RIPK2: variants seen among roughly 807,000 people sequenced by gnomAD.
RIPK2 encodes receptor-interacting serine/threonine-protein kinase 2.
RIPK2 carries 38 observed loss-of-function variants against 60.9 expected under a neutral mutation model. The ratio of observed to expected loss-of-function variants is 0.62; its 90% CI spans 0.48 to 0.82. RIPK2 has a LOEUF of 0.82. Ranked by LOEUF, RIPK2 falls within the 40% of genes least tolerant of loss-of-function variation. The pLI, the probability that RIPK2 is intolerant of heterozygous loss-of-function variation, is 0.00. For synonymous variants in RIPK2, 225 were observed against 223.4 expected, an observed-to-expected ratio of 1.01 and a Z score of -0.06; for missense variants, 518 against 647.0, an observed-to-expected ratio of 0.80 and a Z score of 2.16.
intron 9 of RIPK2, among the ~76,000 whole-genome samples, chr8:89,788,253 GA>G (rs1351143712): frequency 6.6e-6 from 1 of 151,850 alleles, no homozygotes; most frequent in Non-Finnish European, 1.5e-5. Context: ...TGAGGCACAA[GA>G]ATCACTTGAA....
chr8:89,775,296 A>T (rs1809378649), intron 6 of RIPK2, among the ~76,000 whole-genome samples: 1 of 151,968 alleles, frequency 6.6e-6, no homozygotes, highest in South Asian at 2.1e-4. Flanking sequence ...TAAAAAAAAA[A>T]TAAAAAATTA....
intron 9 of RIPK2, among the ~76,000 whole-genome samples, chr8:89,788,389 T>TTTTATTAA (rs1311301665): frequency 2.6e-5 from 4 of 151,852 alleles, no homozygotes; most frequent in Non-Finnish European, 5.9e-5. Context: ...TTAAGACGGA[T>TTTTATTAA]AATTATACTT....
chr8:89,758,152 C>G lies in RIPK2; in HGVS notation c.92C>G (p.Thr31Ser). ...TACCTGAGCCGCGGCGCCTCTGGCACTGTGTCGTCCGCCCGCCACGCAGAC... is the reference window on the plus strand; with the variant it reads ...TACCTGAGCCGCGGCGCCTCTGGCAGTGTGTCGTCCGCCCGCCACGCAGAC... ...LRYLSRGASG[T>S]VSSARHADWR... The change falls in exon 1 of 11, where the codon ACT (threonine) becomes AGT (serine). Residue 31 changes from threonine to serine, a missense_variant. Transcript: ENST00000220751. 6.3e-7 allele frequency: 1 copy of G among 1,597,654 alleles called. No homozygotes were observed. Among genetic ancestry groups the G allele is most frequent in the Non-Finnish European group, 8.5e-7 (1 of 1,173,720 alleles).
intron 8 of RIPK2, 31 bp from the exon 9 acceptor site, chr8:89,786,562 A>T (rs961265424): frequency 2.6e-6 from 3 of 1,168,064 alleles, no homozygotes; most frequent in Middle Eastern, 2.0e-4. Flanking sequence ...ATTTTTATTA[A>T]CCTAAACCCT....
rs74786374 is a variant in RIPK2, at chr8:89,789,708, A to G, written c.1285+226A>G. ...GGCAGTGCTAAGAGGAGGTATTAACATATTACTAATGGTAAAGTTATTTTT... is the reference window on the plus strand; with the variant it reads ...GGCAGTGCTAAGAGGAGGTATTAACGTATTACTAATGGTAAAGTTATTTTT... On this transcript the variant is annotated intron_variant, in intron 10 of 10. Coordinates refer to ENST00000220751, the MANE Select transcript of RIPK2 (RefSeq NM_003821.6). Among the ~76,000 whole-genome samples the G allele has an allele frequency of 6.8e-3, 1,032 of 152,346 alleles. 8 individuals carry two copies. Among genetic ancestry groups the G allele is most frequent in the African/African-American group, 0.023 (941 of 41,570 alleles).
chr8:89,757,974 G>A lies in RIPK2; in HGVS notation c.-87G>A, dbSNP rs199580324. The A allele has an allele frequency of 1.1e-4, 154 of 1,449,460 alleles. 1 individual carries two copies. Among genetic ancestry groups the A allele is most frequent in the Middle Eastern group, 4.4e-4 (2 of 4,586 alleles). The allele number at this position is 1,449,460 out of a possible 1,614,324, so 89.8% of individuals were successfully genotyped here. A position where few individuals can be genotyped will look rare whatever the true frequency, so the allele number is the denominator to read the frequency against. On this transcript the variant is annotated 5_prime_UTR_variant, in exon 1 of 11. Transcript: ENST00000220751. ...TTGCCGGCCTCGCTCGTGCAGGGGC[G>A]TATCTGGGCGCCTGAGCGCGGCGTG... is the stretch of plus-strand genomic sequence containing the variant.
At chr8:89,767,127 A>T (rs1224120983) in intron 3 of RIPK2, among the ~76,000 whole-genome samples, 3 of 151,692 alleles carry the variant, frequency 2.0e-5, no homozygotes, top group Admixed American at 1.3e-4. Context: ...TTATAGTTTT[A>T]TGTTACATAT....
At position 89,790,595 on chromosome 8, in the gene RIPK2, G is replaced by T; in HGVS notation, c.*179G>T. On this transcript the variant is annotated 3_prime_UTR_variant, in exon 11 of 11. Coordinates refer to ENST00000220751, the MANE Select transcript of RIPK2 (RefSeq NM_003821.6). ...TTTAATTAATACAAGTAAAAAGTTT[G>T]AATTTTGCTACATAGTTCAATTTTT... 4.1e-6 allele frequency: 2 copies of T among 493,824 alleles called. No homozygotes were observed. The highest frequency in any genetic ancestry group is 3.2e-5 in the East Asian group (1 of 31,408). 30.6% of individuals were successfully genotyped at this position (493,824 alleles called of 1,614,324 possible). A position where few individuals can be genotyped will look rare whatever the true frequency, so the allele number is the denominator to read the frequency against.
At chr8:89,773,655 T>C (rs1458042901) in intron 6 of RIPK2, among the ~76,000 whole-genome samples, 1 of 152,054 alleles carries the variant, frequency 6.6e-6, no homozygotes, top group African/African-American at 2.4e-5. Flanking sequence ...AAGACAAAAG[T>C]GGAAGCAAAG....
intron 7 of RIPK2, 56 bp downstream of exon 7, chr8:89,780,216 C>T: frequency 1.1e-6 from 1 of 880,018 alleles, no homozygotes; most frequent in Non-Finnish European, 1.8e-6. Context: ...ATATAATATT[C>T]ATGGAGATTT....
At chr8:89,784,740 C>T (rs372981) in intron 8 of RIPK2, among the ~76,000 whole-genome samples, 96,472 of 151,512 alleles carry the variant, frequency 0.64, 32,635 homozygotes, top group African/African-American at 0.88. Context: ...GTCTGTTTAT[C>T]GTTGCTATAA....
intron 4 of RIPK2, 52 bp from the exon 5 acceptor site, chr8:89,771,689 T>A: frequency 3.2e-6 from 4 of 1,257,976 alleles, no homozygotes; most frequent in Non-Finnish European, 3.4e-6. Flanking sequence ...TTTTAGTTTA[T>A]TATGCAGAGT....
intron 6 of RIPK2, among the ~76,000 whole-genome samples, chr8:89,778,711 G>A (rs1361009828): frequency 6.6e-6 from 1 of 152,060 alleles, no homozygotes; most frequent in Non-Finnish European, 1.5e-5. Context: ...TGATCCATTG[G>A]CCAGTTGATG....
chr8:89,777,769 G>A (rs1809422961), intron 6 of RIPK2, among the ~76,000 whole-genome samples: 1 of 152,064 alleles, frequency 6.6e-6, no homozygotes, highest in Non-Finnish European at 1.5e-5. Flanking sequence ...TCAGTGGGAA[G>A]GTACCATCAT....
chr8:89,780,782 G>C (rs1202700940), intron 7 of RIPK2: 1 of 151,944 alleles, frequency 6.6e-6, no homozygotes, highest in Admixed American at 6.6e-5. Context: ...TGAGACCAAA[G>C]TGTGTTTGTG....
chr8:89,781,354 A>ATTTTTTTTTTTCTTTT (rs1161497561), intron 7 of RIPK2, among the ~76,000 whole-genome samples: 45 of 144,020 alleles, frequency 3.1e-4, no homozygotes, highest in African/African-American at 1.1e-3. Flanking sequence ...AATAGATTGA[A>ATTTTTTTTTTTCTTTT]TTTTTTTTTT....
intron 7 of RIPK2, among the ~76,000 whole-genome samples, chr8:89,783,108 C>T (rs1175501376): frequency 1.3e-5 from 2 of 152,078 alleles, no homozygotes; most frequent in Admixed American, 1.3e-4. Flanking sequence ...GTTCCTTAGC[C>T]ATGTAAATGG....
In RIPK2 at chr8:89,771,698, G is replaced by A. The variant is rs202057517; in HGVS notation, c.642-43G>A. 9 of 1,362,118 alleles carry A rather than the reference G, an allele frequency of 6.6e-6. No homozygotes were observed. The South Asian group carries it at 7.5e-5, about 11-fold the overall frequency. 84.4% of individuals were successfully genotyped at this position (1,362,118 alleles called of 1,614,324 possible). A position where few individuals can be genotyped will look rare whatever the true frequency, so the allele number is the denominator to read the frequency against. On this transcript the variant is annotated intron_variant, in intron 4 of 10. Transcript: ENST00000220751. ...GTGCTATTTTAGTTTATTATGCAGA[G>A]TTCATTTAAAATATGTAACATGTAT...
At chr8:89,789,533 AT>A in intron 10 of RIPK2, 51 bp downstream of exon 10, 8 of 1,515,950 alleles carry the variant, frequency 5.3e-6, no homozygotes, top group Non-Finnish European at 7.2e-6. Flanking sequence ...GACCTTACAT[AT>A]CTGTGTTCAG....
Sources: gnomAD v4.1 joint callset for allele counts (sites outside exome capture counted in the v4.1 genomes callset) on GRCh38, gnomAD v4.1.1 for gene constraint, MANE v1.5 for transcripts, NCBI Gene and HGNC (gene_info 2026-07-23, HGNC 2026-07-21) for gene names.